SPTB: variants seen among roughly 807,000 people sequenced by gnomAD.
The protein encoded by SPTB is spectrin beta, erythrocytic.
Under a neutral mutation model 256.2 loss-of-function variants are expected in SPTB, and 45 were observed. The observed-to-expected ratio is 0.18, with a 90% confidence interval of 0.14 to 0.23. The LOEUF (loss-of-function observed/expected upper bound fraction) is 0.23. Ranked by LOEUF, SPTB falls within the 10% of genes least tolerant of loss-of-function variation. The pLI, the probability that SPTB is intolerant of heterozygous loss-of-function variation, is 1.00. For synonymous variants in SPTB, 1,231 were observed against 1,243.1 expected (o/e 0.99, Z 0.21); for missense variants, 2,715 against 3,040.4 (o/e 0.89, Z 2.52).
At chr14:64,836,847 C>T (rs2083530461) in intron 1 of SPTB, among the ~76,000 whole-genome samples, 1 of 152,110 alleles carries the variant, frequency 6.6e-6, no homozygotes, top group African/African-American at 2.4e-5. Context: ...CCAGAGTATC[C>T]CTCTCAGGGA....
At position 64,786,101 on chromosome 14, in the gene SPTB, G is replaced by A. The variant is rs1181131869; in HGVS notation, c.3562-150C>T. ...ACAGGGAGGAGGCACTACTCCCCAG[G>A]CCTTGCCCCCACCCCTACCCCAGGG... On this transcript the variant is annotated intron_variant, in intron 16 of 35. Transcript: ENST00000644917. The surrounding 1 kb of genome is among the most constrained non-coding windows in gnomAD (Gnocchi z 5.6). 4.6e-6 allele frequency: 4 copies of A among 867,738 alleles called. No individual in the cohort carries two copies. Among genetic ancestry groups the A allele is most frequent in the Non-Finnish European group, 5.5e-6 (3 of 543,402 alleles). The allele number at this position is 867,738 out of a possible 1,614,324, so 53.8% of individuals were successfully genotyped here.
chr14:64,775,229 G>C lies in SPTB; in HGVS notation c.4738C>G (p.Leu1580Val), dbSNP rs1350852044. ...TGCTGTGCCTCGTTGGCGTCCCTCA[G>C]TCGCTGCAGCCTCCCGGCCGCTGCC... The part of the protein sequence containing the change: ...REAAAGRLQR[L>V]RDANEAQQYY... Residue 1580 changes from leucine to valine, a missense_variant, in exon 23 of 36, where the codon CTG (leucine) becomes GTG (valine). Around this residue, in one of 4 missense-constraint regions of SPTB, gnomAD observed 2,239 missense variants for 2,384.4 expected, o/e 0.94. Transcript: ENST00000644917. The surrounding 1 kb of genome is among the most constrained non-coding windows in gnomAD (Gnocchi z 5.0). 3.1e-6 allele frequency: 5 copies of C among 1,613,672 alleles called. No individual in the cohort carries two copies. Among genetic ancestry groups the C allele is most frequent in the Non-Finnish European group, 4.2e-6 (5 of 1,180,046 alleles).
rs1566803960 is a variant in SPTB, at chr14:64,853,759, A to C, written c.-52+26033T>G. 6.6e-6 allele frequency among the ~76,000 whole-genome samples: 1 copy of C among 152,182 alleles called. No homozygotes were observed. Among genetic ancestry groups the C allele is most frequent in the East Asian group, 1.9e-4 (1 of 5,204 alleles). ...AGAGAGGGAAGGATTGAAGATGCAG[A>C]TGTTCTGTGCAGCCCTGAAGTGTTT... On this transcript the variant is annotated intron_variant, in intron 1 of 35. Transcript: ENST00000644917. The surrounding 1 kb of genome is among the most constrained non-coding windows in gnomAD (Gnocchi z 4.3).
At position 64,816,020 on chromosome 14, in the gene SPTB, C is replaced by T. The variant is rs988567247; in HGVS notation, c.148+6927G>A. Reference sequence around the variant, plus strand: ...AGCTCAAACAGCGTCTTCTCTTTACCGGACTTCTGCACAGCCTCTCCACAA... The same window carrying T: ...AGCTCAAACAGCGTCTTCTCTTTACTGGACTTCTGCACAGCCTCTCCACAA... On this transcript the variant is annotated intron_variant, in intron 2 of 35. Transcript: ENST00000644917. The surrounding 1 kb of genome is among the most constrained non-coding windows in gnomAD (Gnocchi z 4.2). 5.9e-5 allele frequency among the ~76,000 whole-genome samples: 9 copies of T among 152,164 alleles called. No homozygotes were observed. The highest frequency in any genetic ancestry group is 1.4e-4 in the African/African-American group (6 of 41,424).
Position 64,793,365 on chromosome 14 carries a change from G to C in SPTB, c.2298C>G (p.Leu766=). 6.2e-7 allele frequency: 1 copy of C among 1,612,352 alleles called. No individual in the cohort carries two copies. Among genetic ancestry groups the C allele is most frequent in the Non-Finnish European group, 8.5e-7 (1 of 1,180,034 alleles). Residue 766 remains leucine, a synonymous_variant, in exon 14 of 36, where the codon CTC becomes CTG. Transcript: ENST00000644917. The surrounding 1 kb of genome is among the most constrained non-coding windows in gnomAD (Gnocchi z 7.0). ...CGTCCTGCCCCACATCTTCACCAGA[G>C]AGCAGCCGGTGGGCGTCTTGCAGCC... The part of the protein sequence containing the change: ...KAWLQDAHRL[L]SGEDVGQDEG...
chr14:64,798,967 A>G (rs1271040), intron 9 of SPTB, among the ~76,000 whole-genome samples: 67,779 of 152,152 alleles, frequency 0.45, 16,522 homozygotes, highest in African/African-American at 0.66. Flanking sequence ...TTGTGTGTGC[A>G]TGTGCACATG....
intron 33 of SPTB, among the ~76,000 whole-genome samples, chr14:64,751,082 ATTTATATAT>A (rs942297160): frequency 1.0e-4 from 12 of 119,690 alleles, no homozygotes; most frequent in Admixed American, 3.2e-4. Context: ...AGTATATAAC[ATTTATATAT>A]TATACATAAT....
intron 9 of SPTB, 48 bp from the exon 10 acceptor site, chr14:64,797,894 C>A: frequency 2.0e-6 from 3 of 1,471,796 alleles, no homozygotes; most frequent in East Asian, 2.3e-5. Flanking sequence ...ATCTCATGGC[C>A]AAATTTTTTT....
Position 64,795,032 on chromosome 14 carries a change from T to A in SPTB, c.1644+305A>T, listed in dbSNP as rs2082740255. ...ATTGTAATTACTAAGAGCTTGATTC[T>A]CCAGGTTCCTGATTAATGTCTGTCT... On this transcript the variant is annotated intron_variant, in intron 12 of 35. Coordinates refer to ENST00000644917, the MANE Select transcript of SPTB (RefSeq NM_001355436.2). This position sits in a 1 kb window ranked among gnomAD's most constrained non-coding sequence, Gnocchi z 6.5. Among the ~76,000 whole-genome samples the A allele has an allele frequency of 6.6e-6, 1 of 152,214 alleles. No individual in the cohort carries two copies. The highest frequency in any genetic ancestry group is 1.5e-5 in the Non-Finnish European group (1 of 68,034).
chr14:64,874,306 A>T (rs1882701421), intron 1 of SPTB, among the ~76,000 whole-genome samples: 1 of 151,804 alleles, frequency 6.6e-6, no homozygotes, highest in South Asian at 2.1e-4. Flanking sequence ...CCTCCTGTAC[A>T]CCCTCTCTCT....
intron 1 of SPTB, among the ~76,000 whole-genome samples, chr14:64,876,174 C>A (rs1467710154): frequency 6.6e-6 from 1 of 152,038 alleles, no homozygotes; most frequent in East Asian, 1.9e-4. Context: ...CACAATCTCA[C>A]TTTATTGTCC....
At chr14:64,774,791 T>C (rs2082332809) in intron 23 of SPTB, among the ~76,000 whole-genome samples, 1 of 152,074 alleles carries the variant, frequency 6.6e-6, no homozygotes, top group Non-Finnish European at 1.5e-5. Flanking sequence ...CATGAAAACA[T>C]CCTATATCAT....
intron 1 of SPTB, among the ~76,000 whole-genome samples, chr14:64,857,384 A>G: frequency 6.6e-6 from 1 of 151,958 alleles, no homozygotes; most frequent in East Asian, 1.9e-4. Flanking sequence ...GGAGTTTGAG[A>G]CCAGCCTGGG....
At chr14:64,770,423 G>C (rs1475108451) in intron 27 of SPTB, among the ~76,000 whole-genome samples, 2 of 152,214 alleles carry the variant, frequency 1.3e-5, no homozygotes, top group Non-Finnish European at 2.9e-5. Flanking sequence ...AGACTGGGCA[G>C]AGTGGTCTGA....
At chr14:64,822,372 T>TCACACACACACACACACACA (rs1355459775) in intron 2 of SPTB, among the ~76,000 whole-genome samples, 31 of 2,398 alleles carry the variant, frequency 0.013, 4 homozygotes, top group East Asian at 0.045. Context: ...TCTCTCTCTC[T>TCACACACACACACACACACA]CTCACACACA....
chr14:64,749,400 T>A lies in SPTB; in HGVS notation c.6893A>T (p.Gln2298Leu), dbSNP rs2081905790. Residue 2298 changes from glutamine (Q) to leucine (L), a missense_variant, in exon 36 of 36, where the codon CAG (glutamine) becomes CTG (leucine). By Grantham distance (113) the Gln-to-Leu change is moderately radical. This residue lies in a region of SPTB where 2,239 missense variants were observed against 2,384.4 expected (regional missense o/e 0.94). Transcript: ENST00000644917. The surrounding 1 kb of genome is among the most constrained non-coding windows in gnomAD (Gnocchi z 4.7). ...GGAGAGGGAAGGCAGGGGCAGGCTC[T>A]GCGCCTTGACGCGGATGCTCTGGGA... is the stretch of plus-strand genomic sequence containing the variant. ...NESQSIRVKA[Q>L]SLPLPSLSGP... 6.2e-7 allele frequency: 1 copy of A among 1,608,954 alleles called. No homozygotes were observed. The highest frequency in any genetic ancestry group is 1.7e-5 in the Admixed American group (1 of 59,964).
chr14:64,806,130 C>CAAAA lies in SPTB; in HGVS notation c.149-1044_149-1041dup, dbSNP rs149391822. ...GAGAGGACAGAAGACTGGGATGGCA[C>CAAAA]AAAAAAAAGAGAGAGAAAAGGATAG... On this transcript the variant is annotated intron_variant, in intron 2 of 35. Coordinates refer to ENST00000644917, the MANE Select transcript of SPTB (RefSeq NM_001355436.2). The surrounding 1 kb of genome is among the most constrained non-coding windows in gnomAD (Gnocchi z 4.1). Among the ~76,000 whole-genome samples, 2 of 142,744 alleles carry CAAAA rather than the reference C, an allele frequency of 1.4e-5. No homozygotes were observed. The highest frequency in any genetic ancestry group is 5.2e-5 in the African/African-American group (2 of 38,612). The allele number at this position is 142,744 out of a possible 152,430, so 93.6% of individuals were successfully genotyped here.
intron 32 of SPTB, chr14:64,755,787 T>A (rs943536918): frequency 6.6e-6 from 1 of 152,210 alleles, no homozygotes; most frequent in African/African-American, 2.4e-5. Flanking sequence ...CAGTCATCAC[T>A]CTGCAGTTAA....
At position 64,815,028 on chromosome 14, in the gene SPTB, G is replaced by GTGCATGTGTA. The variant is rs71738181; in HGVS notation, c.148+7918_148+7919insTACACATGCA. 6.1e-3 allele frequency among the ~76,000 whole-genome samples: 931 copies of GTGCATGTGTA among 152,244 alleles called. 12 individuals carry two copies. The highest frequency in any genetic ancestry group is 0.01 in the Middle Eastern group (3 of 294). On this transcript the variant is annotated intron_variant, in intron 2 of 35. Transcript: ENST00000644917. The stretch of plus-strand genomic sequence containing the variant: ...ACTGGCAAGGTGTGTATGTGTGTGT[G>GTGCATGTGTA]TGCATGTAAGCAGGTTTTGGGAGTG...
Sources: gnomAD v4.1 joint callset for allele counts (sites outside exome capture counted in the v4.1 genomes callset) on GRCh38, gnomAD v4.1.1 for gene constraint, gnomAD v4.1.1 regional missense constraint, Gnocchi (gnomAD v3.1) non-coding constraint, MANE v1.5 for transcripts, NCBI Gene and HGNC (gene_info 2026-07-23, HGNC 2026-07-21) for gene names.